The following DCP1A variants were observed in gnomAD, a reference collection of about 807,000 sequenced individuals.
DCP1A encodes the protein mRNA-decapping enzyme 1A.
A neutral mutation model predicts 58.0 loss-of-function variants in DCP1A; 20 were observed. The observed-to-expected ratio is 0.34, with a 90% CI of 0.24 to 0.50. The LOEUF (loss-of-function observed/expected upper bound fraction) is 0.50, where lower values mean the gene tolerates loss of function less well. Among genes scored for constraint, DCP1A ranks in the 20% least tolerant of loss-of-function variants. DCP1A has a pLI of 0.98. For synonymous variants in DCP1A, 285 were observed against 275.1 expected, an observed-to-expected ratio of 1.04 and a Z score of -0.36; for missense variants, 613 against 712.2, an observed-to-expected ratio of 0.86 and a Z score of 1.59.
At position 53,288,065 on chromosome 3, in the gene DCP1A, C is replaced by T. The variant is rs1553685394; in HGVS notation, c.1668G>A (p.Lys556=). Reference sequence around the variant, plus strand: ...AAGATAAAATTGGTATCCTACATACCTTTATTAGATGTATTAATGTATCCT... The same window carrying T: ...AAGATAAAATTGGTATCCTACATACTTTTATTAGATGTATTAATGTATCCT... ...QLQDTLIHLI[K]NDSSFLSTLH... is the part of the protein sequence containing the mutation. The change falls in exon 9 of 10, where the codon AAG becomes AAA. Residue 556 remains lysine (K), a splice_region_variant and synonymous_variant. Coordinates refer to ENST00000610213, the MANE Select transcript of DCP1A (RefSeq NM_018403.7). The T allele has an allele frequency of 6.2e-7, 1 of 1,611,008 alleles. No individual in the cohort carries two copies. Among genetic ancestry groups the T allele is most frequent in the East Asian group, 2.2e-5 (1 of 44,876 alleles).
intron 1 of DCP1A, among the ~76,000 whole-genome samples, chr3:53,345,900 C>T (rs927434468): frequency 3.3e-5 from 5 of 152,082 alleles, no homozygotes; most frequent in Non-Finnish European, 7.4e-5. Flanking sequence ...AAACATCATG[C>T]AAAGTTACAA....
chr3:53,329,052 T>C (rs1553690995), intron 3 of DCP1A: 6 of 283,612 alleles, frequency 2.1e-5, no homozygotes, highest in Non-Finnish European at 3.9e-5. Context: ...TGTTTATGAA[T>C]TCCTCTTTCA....
In DCP1A at chr3:53,292,422, C is replaced by A; in HGVS notation, c.1030G>T (p.Ala344Ser). Residue 344 changes from alanine (A) to serine (S), a missense_variant, in exon 7 of 10, where the codon GCA (alanine) becomes TCA (serine). Ala to Ser is a moderately conservative substitution (Grantham distance 99). Coordinates refer to ENST00000610213, the MANE Select transcript of DCP1A (RefSeq NM_018403.7). ...CTCTGTCTAGGCGTGGTCTTCACTGCCTGCATCATGGTGCTGTTTCGAGGT... is the reference window on the plus strand; with the variant it reads ...CTCTGTCTAGGCGTGGTCTTCACTGACTGCATCATGGTGCTGTTTCGAGGT... The part of the protein sequence containing the change: ...SLPRNSTMMQ[A>S]VKTTPRQRSP... 6.2e-7 allele frequency: 1 copy of A among 1,613,918 alleles called. No individual in the cohort carries two copies. Among genetic ancestry groups the A allele is most frequent in the Admixed American group, 1.7e-5 (1 of 60,006 alleles).
intron 3 of DCP1A, among the ~76,000 whole-genome samples, chr3:53,328,748 A>C (rs1300012327): frequency 6.6e-6 from 1 of 152,230 alleles, no homozygotes; most frequent in Non-Finnish European, 1.5e-5. Flanking sequence ...ATTTGAACTA[A>C]CAGTGTCACT....
chr3:53,330,848 G>A (rs1575616566), intron 3 of DCP1A, among the ~76,000 whole-genome samples: 2 of 141,600 alleles, frequency 1.4e-5, no homozygotes, highest in African/African-American at 2.6e-5. Context: ...TTGAGATGGA[G>A]TATATGTAAT....
chr3:53,290,911 A>T, intron 7 of DCP1A, 55 bp from the exon 8 acceptor site: 2 of 1,446,446 alleles, frequency 1.4e-6, no homozygotes, highest in Non-Finnish European at 1.9e-6. Context: ...AATTAAGAAG[A>T]CTTCCTAGTC....
Position 53,287,547 on chromosome 3 carries a change from T to C in DCP1A, c.*33A>G, listed in dbSNP as rs782145367. On this transcript the variant is annotated 3_prime_UTR_variant, in exon 10 of 10. Coordinates refer to ENST00000610213, the MANE Select transcript of DCP1A (RefSeq NM_018403.7). ...GATGAAGCCTATTTGTCTCTGAGGCTGGGGCTCTGCCTTTAGACTTATTCT... is the reference window on the plus strand; with the variant it reads ...GATGAAGCCTATTTGTCTCTGAGGCCGGGGCTCTGCCTTTAGACTTATTCT... The C allele has an allele frequency of 7.5e-6, 11 of 1,474,902 alleles. No individual in the cohort carries two copies. The East Asian group carries it at 9.0e-5, about 12-fold the overall frequency. The allele number at this position is 1,474,902 out of a possible 1,614,324, so 91.4% of individuals were successfully genotyped here.
intron 7 of DCP1A, among the ~76,000 whole-genome samples, chr3:53,291,118 T>C (rs576826764): frequency 1.7e-3 from 236 of 139,784 alleles, no homozygotes; most frequent in Non-Finnish European, 3.1e-3. Flanking sequence ...TGCAGAGCCT[T>C]TCAGGTATCT....
chr3:53,319,209 CTG>C (rs1350562878), intron 4 of DCP1A, among the ~76,000 whole-genome samples, 196 bp downstream of exon 4: 1 of 152,120 alleles, frequency 6.6e-6, no homozygotes, highest in African/African-American at 2.4e-5. Flanking sequence ...TGGAAGGAAA[CTG>C]AAATGCACAC....
At chr3:53,321,976 C>A (rs1707981181) in intron 3 of DCP1A, among the ~76,000 whole-genome samples, 1 of 152,106 alleles carries the variant, frequency 6.6e-6, no homozygotes, top group South Asian at 2.1e-4. Flanking sequence ...AGTGCTAGCA[C>A]AAGAGATTTT....
intron 6 of DCP1A, among the ~76,000 whole-genome samples, chr3:53,297,126 T>C (rs782077308): frequency 6.6e-6 from 1 of 152,160 alleles, no homozygotes; most frequent in East Asian, 1.9e-4. Flanking sequence ...TCCTAATGAG[T>C]ATGAAGTGAT....
chr3:53,288,358 A>C, intron 8 of DCP1A, 75 bp from the exon 9 acceptor site: 1 of 1,160,576 alleles, frequency 8.6e-7, no homozygotes, highest in Non-Finnish European at 1.2e-6. Flanking sequence ...GACCATGTGG[A>C]AACAGGCATA....
chr3:53,324,830 G>A lies in DCP1A; in HGVS notation c.305-5357C>T, dbSNP rs1708065593. Among the ~76,000 whole-genome samples, 3 of 151,836 alleles carry A rather than the reference G, an allele frequency of 2.0e-5. No homozygotes were observed. The South Asian group carries it at 6.2e-4, about 32-fold the overall frequency. On this transcript the variant is annotated intron_variant, in intron 3 of 9. Transcript: ENST00000610213. ...GAGCCCAGGAGTTCAAGACCAGCCTGGGCAACACAGTGGGACCTTGTTTAT... is the reference window on the plus strand; with the variant it reads ...GAGCCCAGGAGTTCAAGACCAGCCTAGGCAACACAGTGGGACCTTGTTTAT...
chr3:53,326,305 A>G (rs1483678415), intron 3 of DCP1A, among the ~76,000 whole-genome samples: 4 of 152,220 alleles, frequency 2.6e-5, no homozygotes, highest in African/African-American at 7.2e-5. Context: ...CCCACTTGCA[A>G]AAGTTTTATT....
chr3:53,320,712 A>G (rs1402368731), intron 3 of DCP1A, among the ~76,000 whole-genome samples: 7 of 152,208 alleles, frequency 4.6e-5, no homozygotes, highest in Non-Finnish European at 2.9e-5. Flanking sequence ...CAGTCGAGAT[A>G]CAGAAATTTC....
intron 4 of DCP1A, among the ~76,000 whole-genome samples, chr3:53,318,526 CTACCTATTA>C (rs1553689524): frequency 4.1e-4 from 62 of 152,064 alleles, no homozygotes; most frequent in African/African-American, 1.5e-3. Flanking sequence ...AATATACCGT[CTACCTATTA>C]TAGCATTTTG....
chr3:53,315,534 CAAAAAAAAAAAAA>C (rs1211486616), intron 4 of DCP1A, among the ~76,000 whole-genome samples: 2 of 64,994 alleles, frequency 3.1e-5, no homozygotes, highest in Middle Eastern at 0.012. Flanking sequence ...GACTCTGTCT[CAAAAAAAAAAAAA>C]AAAAAAAAAA....
intron 3 of DCP1A, among the ~76,000 whole-genome samples, chr3:53,324,476 C>T (rs1273925926): frequency 6.6e-6 from 1 of 152,242 alleles, no homozygotes; most frequent in Non-Finnish European, 1.5e-5. Context: ...CTCTAGAGAA[C>T]TTACACTCTA....
At chr3:53,303,406 A>C (rs1707371727) in intron 6 of DCP1A, among the ~76,000 whole-genome samples, 1 of 152,244 alleles carries the variant, frequency 6.6e-6, no homozygotes, top group Middle Eastern at 3.4e-3. Context: ...AGCTGGCATT[A>C]CAGGCACGTG....
Sources: gnomAD v4.1 joint callset for allele counts (sites outside exome capture counted in the v4.1 genomes callset) on GRCh38, gnomAD v4.1.1 for gene constraint, MANE v1.5 for transcripts, NCBI Gene and HGNC (gene_info 2026-07-23, HGNC 2026-07-21) for gene names.